Variants in NAALADL2 observed in about 807,000 individuals in gnomAD.
NAALADL2 encodes the protein N-acetylated alpha-linked acidic dipeptidase like 2, also known as inactive N-acetylated-alpha-linked acidic dipeptidase-like protein 2.
NAALADL2 carries 76 observed loss-of-function variants against 87.2 expected under a neutral mutation model. That is an observed-to-expected ratio of 0.87 (90% CI 0.72 to 1.05). The LOEUF is 1.05. Among genes scored for constraint, NAALADL2 ranks in the 50% least tolerant of loss-of-function variants. The pLI is 0.00. For synonymous variants in NAALADL2, 354 were observed against 331.0 expected, an observed-to-expected ratio of 1.07 and a Z score of -0.75; for missense variants, 1,089 against 945.8, an observed-to-expected ratio of 1.15 and a Z score of -1.99.
At chr3:175,787,507 G>A (rs555338622) in intron 13 of NAALADL2, among the ~76,000 whole-genome samples, 66 of 152,212 alleles carry the variant, frequency 4.3e-4, no homozygotes, top group African/African-American at 1.2e-3. Context: ...TCTTTGACTC[G>A]GAAAGGGAAC....
chr3:175,494,308 T>G (rs899622784), intron 9 of NAALADL2, among the ~76,000 whole-genome samples: 5 of 152,138 alleles, frequency 3.3e-5, no homozygotes, highest in African/African-American at 1.2e-4. Context: ...TGTTACAATA[T>G]GGTGATAAAC....
intron 10 of NAALADL2, among the ~76,000 whole-genome samples, chr3:175,625,954 T>C (rs569490336): frequency 5.9e-5 from 9 of 152,164 alleles, no homozygotes; most frequent in Non-Finnish European, 1.3e-4. Flanking sequence ...ATTTTGTTCA[T>C]TTAATTGCTA....
intron 2 of NAALADL2, among the ~76,000 whole-genome samples, chr3:174,622,573 C>G (rs1409086778): frequency 6.6e-6 from 1 of 152,070 alleles, no homozygotes; most frequent in African/African-American, 2.4e-5. Context: ...TGACCAGAAG[C>G]CTTACTGCTA....
intron 4 of NAALADL2, among the ~76,000 whole-genome samples, chr3:175,301,084 G>A (rs1035111434): frequency 1.3e-5 from 2 of 152,104 alleles, no homozygotes; most frequent in South Asian, 4.2e-4. Flanking sequence ...AGGGTTTTTC[G>A]TGTCTCTGTC....
intron 11 of NAALADL2, among the ~76,000 whole-genome samples, chr3:175,673,286 T>G (rs1402508896): frequency 2.0e-5 from 3 of 152,186 alleles, no homozygotes; most frequent in Non-Finnish European, 2.9e-5. Flanking sequence ...CAATTGGACA[T>G]TGCTTTGCCT....
At chr3:174,538,314 A>T (rs1290472498) in intron 1 of NAALADL2, among the ~76,000 whole-genome samples, 1 of 152,010 alleles carries the variant, frequency 6.6e-6, no homozygotes, top group Non-Finnish European at 1.5e-5. Context: ...TCCAGCCAGG[A>T]TGGGAAGTGG....
At chr3:175,495,298 T>C (rs1455534816) in intron 9 of NAALADL2, among the ~76,000 whole-genome samples, 1 of 151,968 alleles carries the variant, frequency 6.6e-6, no homozygotes, top group African/African-American at 2.4e-5. Context: ...ATAGGTCTGG[T>C]AATATTTTTA....
At chr3:174,921,816 A>G (rs1735244295) in intron 1 of NAALADL2, among the ~76,000 whole-genome samples, 1 of 125,618 alleles carries the variant, frequency 8.0e-6, no homozygotes, top group East Asian at 2.3e-4. Flanking sequence ...AAAAAAAAAA[A>G]AAAAAGAAAA....
chr3:174,923,231 A>G (rs1218054708), intron 1 of NAALADL2, among the ~76,000 whole-genome samples: 1 of 152,318 alleles, frequency 6.6e-6, no homozygotes, highest in South Asian at 2.1e-4. Flanking sequence ...TCATGAAATT[A>G]TAAAGTGTAG....
At position 174,680,097 on chromosome 3, in the gene NAALADL2, TAA is replaced by T. The variant is rs10708127; in HGVS notation, c.-114-57537_-114-57536del. The stretch of plus-strand genomic sequence containing the variant: ...TAATAATATAACCAGGTATTTTGTA[TAA>T]AAAAAATGAGTTCATAATTAAAAAA... On this transcript the variant is annotated intron_variant, in intron 2 of 3. Coordinates refer to the NAALADL2 transcript ENST00000434257. Among the ~76,000 whole-genome samples, 635 of 151,978 alleles carry T rather than the reference TAA, an allele frequency of 4.2e-3. 5 individuals are homozygous for T. The highest frequency in any genetic ancestry group is 6.9e-3 in the Non-Finnish European group (469 of 67,972).
rs540552431 is a variant in NAALADL2 at position 175,354,244 on chromosome 3, T to C, written c.1090+29919T>C. On this transcript the variant is annotated intron_variant, in intron 5 of 13. Coordinates refer to ENST00000454872, the MANE Select transcript of NAALADL2 (RefSeq NM_207015.3). ...ACTTCAGGGTAAGAAAGAATTAGTA[T>C]GGTCCAACCTAACTTTAAATATAAA... Among the ~76,000 whole-genome samples the C allele has an allele frequency of 2.6e-5, 4 of 152,336 alleles. No individual in the cohort carries two copies. The East Asian group carries it at 5.8e-4, about 22-fold the overall frequency.
chr3:174,459,986 A>AT (rs1041268614), intron 1 of NAALADL2, among the ~76,000 whole-genome samples: 4 of 152,188 alleles, frequency 2.6e-5, no homozygotes, highest in African/African-American at 9.6e-5. Context: ...CATGCTGCTA[A>AT]TTCAAAATGA....
intron 2 of NAALADL2, among the ~76,000 whole-genome samples, chr3:174,685,750 A>T (rs1395333073): frequency 6.6e-6 from 1 of 152,108 alleles, no homozygotes; most frequent in African/African-American, 2.4e-5. Context: ...GGTTTAGTGT[A>T]CCGATTATTT....
At chr3:175,636,361 C>T (rs1728536532) in intron 11 of NAALADL2, among the ~76,000 whole-genome samples, 1 of 152,084 alleles carries the variant, frequency 6.6e-6, no homozygotes, top group Non-Finnish European at 1.5e-5. Flanking sequence ...AAATACTCAT[C>T]AGTTATACCT....
chr3:175,434,709 A>G (rs1422154365), intron 5 of NAALADL2, among the ~76,000 whole-genome samples: 1 of 152,026 alleles, frequency 6.6e-6, no homozygotes, highest in Non-Finnish European at 1.5e-5. Context: ...TCTTTTTTCA[A>G]GGCTAGAAAT....
intron 13 of NAALADL2, among the ~76,000 whole-genome samples, chr3:175,762,610 T>G (rs979068603): frequency 6.6e-6 from 1 of 152,120 alleles, no homozygotes; most frequent in African/African-American, 2.4e-5. Flanking sequence ...ATTTAAAAAT[T>G]AAGTGACCCA....
At chr3:175,051,211 G>A (rs1755337234) in intron 1 of NAALADL2, among the ~76,000 whole-genome samples, 1 of 152,118 alleles carries the variant, frequency 6.6e-6, no homozygotes, top group Non-Finnish European at 1.5e-5. Context: ...TACACTTAGA[G>A]CCAAATATGG....
intron 10 of NAALADL2, among the ~76,000 whole-genome samples, chr3:175,588,601 C>G (rs553241911): frequency 5.2e-5 from 7 of 134,742 alleles, no homozygotes; most frequent in African/African-American, 8.5e-5. Flanking sequence ...TGCAGTGGCA[C>G]GATCTCGGCT....
chr3:175,578,885 A>G (rs1482189002), intron 10 of NAALADL2, among the ~76,000 whole-genome samples: 1 of 152,242 alleles, frequency 6.6e-6, no homozygotes, highest in Non-Finnish European at 1.5e-5. Context: ...TGTTTGTCCA[A>G]GAGTGCAGTT....
Sources: gnomAD v4.1 joint callset for allele counts (sites outside exome capture counted in the v4.1 genomes callset) on GRCh38, gnomAD v4.1.1 for gene constraint, MANE v1.5 for transcripts, NCBI Gene and HGNC (gene_info 2026-07-23, HGNC 2026-07-21) for gene names.